The following PFKFB4 variants were observed in gnomAD, a reference collection of about 807,000 sequenced individuals.
PFKFB4 encodes 6-phosphofructo-2-kinase/fructose-2,6-bisphosphatase 4.
In PFKFB4, 42 loss-of-function variants were observed where a neutral mutation model predicts 62.8. The ratio of observed to expected loss-of-function variants is 0.67; its 90% CI spans 0.52 to 0.86. PFKFB4 has a LOEUF of 0.86. Ranked by LOEUF, PFKFB4 falls within the 40% of genes least tolerant of loss-of-function variation. The pLI, the probability that PFKFB4 is intolerant of heterozygous loss-of-function variation, is 0.00. For synonymous variants in PFKFB4, 204 were observed against 240.7 expected (o/e 0.85, Z 1.41); for missense variants, 475 against 627.2 (o/e 0.76, Z 2.59).
intron 1 of PFKFB4, among the ~76,000 whole-genome samples, chr3:48,555,212 G>A (rs918872459): frequency 7.2e-5 from 11 of 152,112 alleles, no homozygotes; most frequent in African/African-American, 2.2e-4. Context: ...ATAGCCCTCA[G>A]GACTGAGTGT....
At chr3:48,552,708 C>G (rs748912998) in intron 1 of PFKFB4, among the ~76,000 whole-genome samples, 2 of 152,220 alleles carry the variant, frequency 1.3e-5, no homozygotes, top group Non-Finnish European at 2.9e-5. Context: ...GGGCCACCCC[C>G]CAACTGCTCC....
Position 48,536,430 on chromosome 3 carries a change from G to A in PFKFB4, c.666C>T (p.Gly222=). 1 of 1,613,978 alleles carries A rather than the reference G, an allele frequency of 6.2e-7. No homozygotes were observed. The highest frequency in any genetic ancestry group is 8.5e-7 in the Non-Finnish European group (1 of 1,179,840). ...CCACACGGTTCACCACGTAGCTCTG[G>A]CCCACATCCATGATCTTGATATAGG... The part of the protein sequence containing the change: ...DLSYIKIMDV[G]QSYVVNRVAD... The change falls in exon 8 of 14, where the codon GGC becomes GGT. Residue 222 remains glycine (G), a synonymous_variant. Coordinates refer to ENST00000232375, the MANE Select transcript of PFKFB4 (RefSeq NM_004567.4).
chr3:48,557,442 A>G (rs1177113892), upstream of PFKFB4, among the ~76,000 whole-genome samples: 3 of 152,120 alleles, frequency 2.0e-5, no homozygotes, highest in Non-Finnish European at 4.4e-5. Flanking sequence ...ATGCTCAACC[A>G]CGCTGGAAAA....
At chr3:48,535,016 C>T (rs1201373599) in intron 9 of PFKFB4, among the ~76,000 whole-genome samples, 1 of 152,116 alleles carries the variant, frequency 6.6e-6, no homozygotes. Flanking sequence ...ACCATGTTGG[C>T]CAGGCTGGAC....
chr3:48,534,813 A>ATT (rs371931700), intron 9 of PFKFB4, among the ~76,000 whole-genome samples: 3 of 146,322 alleles, frequency 2.1e-5, no homozygotes, highest in Admixed American at 6.8e-5. Context: ...GCAGAAGAGC[A>ATT]TTTTTTTTTT....
chr3:48,522,132 G>T, intron 12 of PFKFB4, 82 bp from the exon 13 acceptor site: 1 of 1,274,120 alleles, frequency 7.8e-7, no homozygotes, highest in Non-Finnish European at 1.1e-6. Flanking sequence ...CTTGGAGGGG[G>T]GTCTGGGCGT....
At chr3:48,550,715 CTTCTT>C (rs561393524) in intron 1 of PFKFB4, among the ~76,000 whole-genome samples, 262 of 152,324 alleles carry the variant, frequency 1.7e-3, no homozygotes, top group Middle Eastern at 6.8e-3. Context: ...CTGTGGTGAA[CTTCTT>C]TTCATCATAC....
chr3:48,527,803 T>C (rs759963746), intron 9 of PFKFB4, among the ~76,000 whole-genome samples: 4 of 150,336 alleles, frequency 2.7e-5, no homozygotes, highest in African/African-American at 9.8e-5. Flanking sequence ...TTCTCCTGCC[T>C]CAGCCTCCTG....
At chr3:48,536,781 G>A (rs2042634062) in intron 7 of PFKFB4, 2 of 353,722 alleles carry the variant, frequency 5.7e-6, no homozygotes, top group Non-Finnish European at 1.1e-5. Flanking sequence ...TGTGTCCCTG[G>A]GGCCCCTGTT....
chr3:48,519,625 C>A lies in PFKFB4; in HGVS notation c.*122G>T. On this transcript the variant is annotated 3_prime_UTR_variant, in exon 14 of 14. Coordinates refer to ENST00000232375, the MANE Select transcript of PFKFB4 (RefSeq NM_004567.4). ...GGGTGGGGGCTCTGGGTTCCGCCAG[C>A]CATGTGTGGCTTCAAGAATATCCCT... The A allele has an allele frequency of 2.5e-6, 2 of 784,536 alleles. No individual in the cohort carries two copies. The highest frequency in any genetic ancestry group is 2.0e-5 in the Admixed American group (1 of 48,946). The allele number at this position is 784,536 out of a possible 1,614,324, so 48.6% of individuals were successfully genotyped here. A position where few individuals can be genotyped will look rare whatever the true frequency, so the allele number is the denominator to read the frequency against.
intron 8 of PFKFB4, 121 bp from the exon 9 acceptor site, chr3:48,535,779 A>G: frequency 8.6e-7 from 1 of 1,162,920 alleles, no homozygotes. Flanking sequence ...TTTGGTAAAA[A>G]GCATGAACTA....
At chr3:48,552,337 A>C (rs901023457) in intron 1 of PFKFB4, among the ~76,000 whole-genome samples, 3 of 152,240 alleles carry the variant, frequency 2.0e-5, no homozygotes, top group Non-Finnish European at 4.4e-5. Context: ...GGCCCCAGGC[A>C]GGCCCTGCAG....
chr3:48,556,935 G>A (rs967645558), upstream of PFKFB4: 18 of 1,399,588 alleles, frequency 1.3e-5, no homozygotes, highest in African/African-American at 3.0e-5. The surrounding 1 kb of genome is among the most constrained non-coding windows in gnomAD (Gnocchi z 5.7). Context: ...AGTAGGCTCC[G>A]CCCCAGCTGA....
intron 13 of PFKFB4, among the ~76,000 whole-genome samples, chr3:48,520,572 G>T (rs1276247449): frequency 6.6e-6 from 1 of 152,186 alleles, no homozygotes; most frequent in African/African-American, 2.4e-5. Context: ...AGAGAGACAT[G>T]GCCCCCATGG....
At chr3:48,561,378 T>C (rs921458204), upstream of PFKFB4, among the ~76,000 whole-genome samples, 1 of 152,280 alleles carries the variant, frequency 6.6e-6, no homozygotes. This position sits in a 1 kb window ranked among gnomAD's most constrained non-coding sequence, Gnocchi z 5.2. Flanking sequence ...TCTGCCTTCA[T>C]GTCCACCTAG....
At chr3:48,532,527 A>G (rs531761987) in intron 9 of PFKFB4, among the ~76,000 whole-genome samples, 1 of 152,322 alleles carries the variant, frequency 6.6e-6, no homozygotes, top group Non-Finnish European at 1.5e-5. Flanking sequence ...TGTGGTATAC[A>G]ATAGAATCTT....
At chr3:48,550,062 A>G (rs2043088065) in intron 2 of PFKFB4, 56 bp downstream of exon 2, 3 of 1,447,370 alleles carry the variant, frequency 2.1e-6, no homozygotes, top group Admixed American at 1.7e-5. Context: ...GGCCTTCTCT[A>G]TTCTCTTCGT....
chr3:48,524,683 G>T (rs2042201739), intron 10 of PFKFB4, among the ~76,000 whole-genome samples: 1 of 152,182 alleles, frequency 6.6e-6, no homozygotes, highest in Non-Finnish European at 1.5e-5. Context: ...GTTCCCAAGA[G>T]CTATACTATC....
chr3:48,560,501 C>T (rs376489010), upstream of PFKFB4, among the ~76,000 whole-genome samples: 1 of 152,210 alleles, frequency 6.6e-6, no homozygotes, highest in East Asian at 1.9e-4. Flanking sequence ...CTCCTTCCAG[C>T]CTGCCACAGG....
Sources: allele counts gnomAD v4.1 joint callset (sites outside exome capture counted in the v4.1 genomes callset), GRCh38; gene constraint gnomAD v4.1.1; non-coding constraint Gnocchi (gnomAD v3.1); transcripts MANE v1.5; gene names NCBI Gene and HGNC (gene_info 2026-07-23, HGNC 2026-07-21).